DNAH14: variants seen among roughly 807,000 people sequenced by gnomAD.
DNAH14 encodes dynein axonemal heavy chain 14.
DNAH14 carries 478 observed loss-of-function variants against 520.9 expected under a neutral mutation model. That is an observed-to-expected ratio of 0.92 (90% confidence interval 0.85 to 0.99). The LOEUF is 0.99. Among genes scored for constraint, DNAH14 ranks in the 50% least tolerant of loss-of-function variants. The pLI is 0.00. For missense variants in DNAH14, 4,831 were observed against 5,234.5 expected, an observed-to-expected ratio of 0.92 and a Z score of 2.38; for synonymous variants, 1,581 against 1,757.2, an observed-to-expected ratio of 0.90 and a Z score of 2.51.
intron 1 of DNAH14, among the ~76,000 whole-genome samples, chr1:224,936,741 C>A (rs1193469663): frequency 6.6e-6 from 1 of 151,668 alleles, no homozygotes; most frequent in Non-Finnish European, 1.5e-5. Flanking sequence ...TAACTTGAAG[C>A]CCAAACCAGA....
At chr1:225,366,776 C>T (rs939606736) in intron 76 of DNAH14, among the ~76,000 whole-genome samples, 3 of 151,330 alleles carry the variant, frequency 2.0e-5, no homozygotes, top group African/African-American at 7.3e-5. Flanking sequence ...TGCTTACACT[C>T]CAGGGGTTGT....
At chr1:225,202,512 AC>A (rs1402440142) in intron 38 of DNAH14, among the ~76,000 whole-genome samples, 1 of 151,816 alleles carries the variant, frequency 6.6e-6, no homozygotes, top group Non-Finnish European at 1.5e-5. Context: ...CTCCCACACA[AC>A]CCAAAGGGCT....
chr1:225,116,802 G>A (rs532655879), intron 23 of DNAH14, among the ~76,000 whole-genome samples: 1 of 152,302 alleles, frequency 6.6e-6, no homozygotes, highest in Admixed American at 6.5e-5. Context: ...AGAGTCAACA[G>A]TATCAAATGC....
intron 60 of DNAH14, among the ~76,000 whole-genome samples, chr1:225,312,255 A>G (rs1486293251): frequency 1.3e-5 from 2 of 152,048 alleles, no homozygotes; most frequent in Non-Finnish European, 2.9e-5. Context: ...TTTGTCTATT[A>G]TTAGTATATA....
rs2061339290 is a variant in DNAH14 at position 224,968,746 on chromosome 1, C to T, written c.652-13C>T. On this transcript the variant is annotated splice_polypyrimidine_tract_variant and intron_variant, in intron 6 of 85. Transcript: ENST00000682510. ...AAAGAAATAAAATAATGCTTTTGTG[C>T]TTTATTTTGTAGGTTATTAATATAG... The T allele has an allele frequency of 4.5e-6, 6 of 1,345,314 alleles. No individual in the cohort carries two copies. The African/African-American group carries it at 4.6e-5, about 10-fold the overall frequency. The allele number at this position is 1,345,314 out of a possible 1,614,324, so 83.3% of individuals were successfully genotyped here.
chr1:224,964,620 AT>A lies in DNAH14; in HGVS notation c.498+15del. ...AAGATTACTTTAAAGGTATTGTTCT[AT>A]TTTATTTAATTTTGATCTTTAAAAA... On this transcript the variant is annotated intron_variant, in intron 5 of 85. Transcript: ENST00000682510. 6.6e-7 allele frequency: 1 copy of A among 1,514,452 alleles called. No individual in the cohort carries two copies. Among genetic ancestry groups the A allele is most frequent in the East Asian group, 2.3e-5 (1 of 43,068 alleles). The allele number at this position is 1,514,452 out of a possible 1,614,324, so 93.8% of individuals were successfully genotyped here.
In DNAH14 at chr1:225,240,591, A is replaced by C; in HGVS notation, c.6519-2A>C. ...TCATCCTTCCATACCTGTCTACCCC[A>C]GGGATGAAAATACATGGTATCCAGA... On this transcript the variant is annotated splice_acceptor_variant, in intron 42 of 85. Transcript: ENST00000682510. LOFTEE classifies it high-confidence loss of function. 2 of 1,526,824 alleles carry C rather than the reference A, an allele frequency of 1.3e-6. No homozygotes were observed. Among genetic ancestry groups the C allele is most frequent in the Non-Finnish European group, 1.8e-6 (2 of 1,125,358 alleles). The allele number at this position is 1,526,824 out of a possible 1,614,324, so 94.6% of individuals were successfully genotyped here.
intron 27 of DNAH14, among the ~76,000 whole-genome samples, chr1:225,139,500 A>C (rs915137979): frequency 1.3e-5 from 2 of 152,220 alleles, no homozygotes; most frequent in Non-Finnish European, 2.9e-5. Flanking sequence ...CGTATGTCAC[A>C]TGACTAGGAG....
intron 8 of DNAH14, among the ~76,000 whole-genome samples, chr1:224,987,198 T>C (rs1456796029): frequency 6.6e-6 from 1 of 151,902 alleles, no homozygotes; most frequent in Admixed American, 6.6e-5. Flanking sequence ...CCAGGAGATG[T>C]GATGGTATAG....
chr1:225,025,294 T>C (rs2066014733), intron 11 of DNAH14, among the ~76,000 whole-genome samples: 1 of 150,650 alleles, frequency 6.6e-6, no homozygotes, highest in African/African-American at 2.4e-5. Flanking sequence ...ATCATGCCAC[T>C]CCACTCCAGC....
At chr1:225,004,869 C>T (rs2064044049) in intron 9 of DNAH14, among the ~76,000 whole-genome samples, 1 of 152,080 alleles carries the variant, frequency 6.6e-6, no homozygotes, top group Non-Finnish European at 1.5e-5. Context: ...TGGGATTGTT[C>T]AGAAGTTAAT....
chr1:225,116,800 C>T (rs936414443), intron 23 of DNAH14, among the ~76,000 whole-genome samples: 3 of 152,158 alleles, frequency 2.0e-5, no homozygotes, highest in Non-Finnish European at 4.4e-5. Context: ...GCAGAGTCAA[C>T]AGTATCAAAT....
intron 30 of DNAH14, among the ~76,000 whole-genome samples, chr1:225,145,640 T>G (rs938691691): frequency 2.6e-5 from 4 of 152,214 alleles, no homozygotes; most frequent in African/African-American, 9.6e-5. Flanking sequence ...ACAGTTGGAT[T>G]CTTTTCAATA....
At chr1:225,043,633 A>G in intron 13 of DNAH14, 111 bp from the exon 14 acceptor site, 1 of 791,260 alleles carries the variant, frequency 1.3e-6, no homozygotes, top group Non-Finnish European at 2.0e-6. Context: ...TGACTTCTTG[A>G]GTTTATTCTT....
chr1:225,226,554 T>A (rs529104985), intron 41 of DNAH14, among the ~76,000 whole-genome samples: 128 of 152,292 alleles, frequency 8.4e-4, no homozygotes, highest in African/African-American at 2.9e-3. Context: ...GCCCGTAGCC[T>A]CCAGTTAGGC....
intron 61 of DNAH14, among the ~76,000 whole-genome samples, chr1:225,319,237 G>T (rs546249451): frequency 6.6e-6 from 1 of 152,284 alleles, no homozygotes; most frequent in Admixed American, 6.5e-5. Flanking sequence ...AGGGCTAGGG[G>T]TTAATGATTG....
At chr1:225,314,449 A>C (rs1304840278) in intron 60 of DNAH14, among the ~76,000 whole-genome samples, 4 of 152,166 alleles carry the variant, frequency 2.6e-5, no homozygotes, top group Non-Finnish European at 1.5e-5. Flanking sequence ...AAGTTAATAT[A>C]GTTATGCGTG....
intron 37 of DNAH14, among the ~76,000 whole-genome samples, chr1:225,191,578 G>C (rs1462538828): frequency 6.6e-6 from 1 of 151,840 alleles, no homozygotes; most frequent in Non-Finnish European, 1.5e-5. Flanking sequence ...TCTTGGATTT[G>C]TATTTTATAT....
intron 17 of DNAH14, among the ~76,000 whole-genome samples, chr1:225,074,977 G>C (rs571523003): frequency 6.6e-6 from 1 of 152,158 alleles, no homozygotes; most frequent in Non-Finnish European, 1.5e-5. Flanking sequence ...TATATATGGG[G>C]GTCTAACCTC....
Sources: allele counts gnomAD v4.1 joint callset (sites outside exome capture counted in the v4.1 genomes callset), GRCh38; gene constraint gnomAD v4.1.1; transcripts MANE v1.5; gene names NCBI Gene and HGNC (gene_info 2026-07-23, HGNC 2026-07-21).